AGBL4: variants seen among roughly 807,000 people sequenced by gnomAD.
The protein encoded by AGBL4 is AGBL carboxypeptidase 4.
Under a neutral mutation model 66.4 loss-of-function variants are expected in AGBL4, and 58 were observed. That is an observed-to-expected ratio of 0.87 (90% CI 0.71 to 1.09). The LOEUF (loss-of-function observed/expected upper bound fraction) is 1.09, where lower values mean the gene tolerates loss of function less well. Among genes scored for constraint, AGBL4 ranks in the 50% least tolerant of loss-of-function variants. The pLI is 0.00. For synonymous variants in AGBL4, 234 were observed against 222.9 expected (o/e 1.05, Z -0.44); for missense variants, 579 against 631.0 (o/e 0.92, Z 0.88).
intron 1 of AGBL4, among the ~76,000 whole-genome samples, chr1:49,907,717 G>C (rs1650414692): frequency 6.6e-6 from 1 of 152,070 alleles, no homozygotes; most frequent in Admixed American, 6.6e-5. Context: ...AGTGAAAAAT[G>C]CTCTGTATAT....
At chr1:49,664,214 C>T (rs1406727355) in intron 3 of AGBL4, among the ~76,000 whole-genome samples, 1 of 151,872 alleles carries the variant, frequency 6.6e-6, no homozygotes, top group African/African-American at 2.4e-5. Flanking sequence ...TGAATAAATA[C>T]AATTAAAGTT....
downstream of AGBL4, among the ~76,000 whole-genome samples, chr1:48,530,007 A>G (rs1320141820): frequency 1.3e-5 from 2 of 151,782 alleles, no homozygotes; most frequent in African/African-American, 4.9e-5. Context: ...TGTAAACTTA[A>G]CATGCTTCCT....
intron 3 of AGBL4, among the ~76,000 whole-genome samples, chr1:49,515,090 C>T (rs1007027907): frequency 6.6e-6 from 1 of 151,970 alleles, no homozygotes; most frequent in Non-Finnish European, 1.5e-5. Context: ...TACCATCAGA[C>T]TGAACAGGCA....
chr1:49,410,221 T>C (rs1171082035), intron 3 of AGBL4, among the ~76,000 whole-genome samples: 1 of 152,208 alleles, frequency 6.6e-6, no homozygotes, highest in Non-Finnish European at 1.5e-5. Context: ...ATGGCCATGT[T>C]GTGCTCAGTC....
rs1355336564 is a variant in AGBL4, at chr1:48,738,690, C to CT, written c.635-75450dup. On this transcript the variant is annotated intron_variant, in intron 6 of 13. Coordinates refer to ENST00000371839, the MANE Select transcript of AGBL4 (RefSeq NM_032785.4). ...ACTTTACATTTTTCAAAAATCTCTG[C>CT]TTTTTTCCCCCACCACTGATCCTTG... Among the ~76,000 whole-genome samples the CT allele has an allele frequency of 3.3e-5, 5 of 152,168 alleles. No homozygotes were observed. In the East Asian group the frequency reaches 9.6e-4, roughly 29 times the overall value.
chr1:49,832,286 G>C (rs1645710773), intron 2 of AGBL4, among the ~76,000 whole-genome samples: 2 of 151,066 alleles, frequency 1.3e-5, no homozygotes, highest in Non-Finnish European at 3.0e-5. Flanking sequence ...TGAGAATGAT[G>C]ATTTCCAATT....
chr1:49,521,420 C>A (rs1213537822), intron 3 of AGBL4, among the ~76,000 whole-genome samples: 1 of 151,884 alleles, frequency 6.6e-6, no homozygotes, highest in Non-Finnish European at 1.5e-5. Flanking sequence ...GACACATAGA[C>A]CAATGGAACA....
intron 5 of AGBL4, among the ~76,000 whole-genome samples, chr1:48,987,114 G>A (rs1423083858): frequency 2.6e-5 from 4 of 151,046 alleles, no homozygotes; most frequent in Non-Finnish European, 4.4e-5. Context: ...CATATTCAAA[G>A]AATACTCCAA....
chr1:48,740,227 G>A (rs1428661338), intron 6 of AGBL4, among the ~76,000 whole-genome samples: 1 of 152,178 alleles, frequency 6.6e-6, no homozygotes, highest in Non-Finnish European at 1.5e-5. Flanking sequence ...AAGGGCCCCT[G>A]AGGTTAGCAA....
chr1:49,273,421 A>C (rs939902196), intron 3 of AGBL4, among the ~76,000 whole-genome samples: 1 of 151,082 alleles, frequency 6.6e-6, no homozygotes, highest in Non-Finnish European at 1.5e-5. Context: ...AATTTTGTCT[A>C]GTTTATAAAT....
At chr1:49,033,455 A>C (rs942925733) in intron 5 of AGBL4, among the ~76,000 whole-genome samples, 14 of 152,276 alleles carry the variant, frequency 9.2e-5, no homozygotes, top group African/African-American at 3.1e-4. Flanking sequence ...GAAAAAGAAG[A>C]AAGCGGGAAG....
chr1:48,906,369 A>G (rs1408973817), intron 5 of AGBL4, among the ~76,000 whole-genome samples: 2 of 152,212 alleles, frequency 1.3e-5, no homozygotes, highest in Non-Finnish European at 2.9e-5. Flanking sequence ...CAGAGACAAA[A>G]GACAGAGTCC....
intron 3 of AGBL4, among the ~76,000 whole-genome samples, chr1:49,261,898 G>A (rs565829978): frequency 0.041 from 6,090 of 150,216 alleles, 165 homozygotes; most frequent in Non-Finnish European, 0.063. Context: ...CACGCTACCT[G>A]ACTTCAAACT....
chr1:49,325,016 CTCT>C (rs1385237054), intron 3 of AGBL4, among the ~76,000 whole-genome samples: 2 of 152,118 alleles, frequency 1.3e-5, no homozygotes, highest in Non-Finnish European at 2.9e-5. Flanking sequence ...TATATCAGCA[CTCT>C]TTCACTTTCT....
At chr1:49,700,727 G>A (rs1044808284) in intron 2 of AGBL4, among the ~76,000 whole-genome samples, 16 of 151,962 alleles carry the variant, frequency 1.1e-4, no homozygotes, top group African/African-American at 3.6e-4. Flanking sequence ...ATCAAAATGT[G>A]TAAAATATAG....
intron 4 of AGBL4, among the ~76,000 whole-genome samples, chr1:49,125,925 G>A (rs1384124612): frequency 6.6e-6 from 1 of 152,080 alleles, no homozygotes; most frequent in Non-Finnish European, 1.5e-5. Flanking sequence ...CATTTTCATT[G>A]GAAAACAGCC....
At chr1:48,973,339 A>G (rs12067865) in intron 5 of AGBL4, among the ~76,000 whole-genome samples, 2,090 of 152,228 alleles carry the variant, frequency 0.014, 57 homozygotes, top group African/African-American at 0.047. Flanking sequence ...TTTAGGGTGA[A>G]TTGCTCTACT....
chr1:50,023,873 G>C lies in AGBL4; in HGVS notation c.-77C>G. ...GAGCGGGTGGTGGGATCAGTGGGCT[G>C]ACAGGAGCTACCTCAGGAAGACGCG... is the stretch of plus-strand genomic sequence containing the variant. On this transcript the variant is annotated 5_prime_UTR_variant, in exon 1 of 14. Coordinates refer to ENST00000371839, the MANE Select transcript of AGBL4 (RefSeq NM_032785.4). 6.8e-7 allele frequency: 1 copy of C among 1,479,192 alleles called. No individual in the cohort carries two copies. Among genetic ancestry groups the C allele is most frequent in the South Asian group, 1.3e-5 (1 of 77,720 alleles). 91.6% of individuals were successfully genotyped at this position (1,479,192 alleles called of 1,614,324 possible).
intron 3 of AGBL4, among the ~76,000 whole-genome samples, chr1:49,579,159 A>T (rs1644494447): frequency 6.6e-6 from 1 of 152,192 alleles, no homozygotes; most frequent in Non-Finnish European, 1.5e-5. Context: ...AAGCGTGCAG[A>T]CAGCCAATTA....
Sources: allele counts gnomAD v4.1 joint callset (sites outside exome capture counted in the v4.1 genomes callset), GRCh38; gene constraint gnomAD v4.1.1; transcripts MANE v1.5; gene names NCBI Gene and HGNC (gene_info 2026-07-23, HGNC 2026-07-21).